SRC: variants seen among roughly 807,000 people sequenced by gnomAD.
The protein encoded by SRC is proto-oncogene tyrosine-protein kinase Src.
A neutral mutation model predicts 62.9 loss-of-function variants in SRC; 13 were observed. The ratio of observed to expected loss-of-function variants is 0.21; its 90% CI spans 0.13 to 0.33. The LOEUF is 0.33. SRC is among the 10% of genes least tolerant of loss of function. The probability of loss-of-function intolerance (pLI) is 1.00; values close to 1 mark genes in which losing one functional copy is unlikely to be tolerated. For synonymous variants in SRC, 302 were observed against 317.5 expected, an observed-to-expected ratio of 0.95 and a Z score of 0.52; for missense variants, 457 against 737.3, an observed-to-expected ratio of 0.62 and a Z score of 4.40.
At position 37,363,358 on chromosome 20, in the gene SRC, C is replaced by T. The variant is rs1212233260; in HGVS notation, c.-246-1846C>T. On this transcript the variant is annotated intron_variant, in intron 1 of 13. Coordinates refer to ENST00000373578, the MANE Select transcript of SRC (RefSeq NM_198291.3). Reference sequence around the variant, plus strand: ...ACCGGAACACACTCTGGCCAGACCTCGCTCTGAACAAGGCCCTGCCCACCT... The same window carrying T: ...ACCGGAACACACTCTGGCCAGACCTTGCTCTGAACAAGGCCCTGCCCACCT... Among the ~76,000 whole-genome samples the T allele has an allele frequency of 3.9e-5, 6 of 152,232 alleles. No individual in the cohort carries two copies. In the East Asian group the frequency reaches 5.8e-4, roughly 15 times the overall value.
chr20:37,393,246 G>A (rs1291232077), intron 5 of SRC, among the ~76,000 whole-genome samples: 1 of 152,252 alleles, frequency 6.6e-6, no homozygotes, highest in Non-Finnish European at 1.5e-5. Context: ...TGGGTAGGCT[G>A]GAGGAGGAGG....
At chr20:37,353,011 C>T (rs1046398937) in intron 1 of SRC, among the ~76,000 whole-genome samples, 2 of 152,188 alleles carry the variant, frequency 1.3e-5, no homozygotes, top group Admixed American at 6.5e-5. Flanking sequence ...CCTCATGGCT[C>T]TGACACATTC....
chr20:37,348,703 G>A (rs2069758022), intron 1 of SRC, among the ~76,000 whole-genome samples: 1 of 152,136 alleles, frequency 6.6e-6, no homozygotes, highest in African/African-American at 2.4e-5. Flanking sequence ...CAGGTCCTTG[G>A]CCTCCCAGAA....
intron 10 of SRC, among the ~76,000 whole-genome samples, chr20:37,401,310 C>A (rs2070733837): frequency 6.6e-6 from 1 of 152,164 alleles, no homozygotes; most frequent in African/African-American, 2.4e-5. Context: ...GCCTGAGATG[C>A]ATCCTTGTTG....
chr20:37,399,160 G>A (rs560065363), intron 9 of SRC, among the ~76,000 whole-genome samples: 5 of 152,300 alleles, frequency 3.3e-5, no homozygotes, highest in South Asian at 2.1e-4. Flanking sequence ...ACAGCTCCAC[G>A]GGTAGGCACT....
At chr20:37,364,405 C>T (rs1037549165) in intron 1 of SRC, among the ~76,000 whole-genome samples, 5 of 152,168 alleles carry the variant, frequency 3.3e-5, no homozygotes, top group African/African-American at 7.2e-5. Context: ...GTGATGGTGA[C>T]GCCGTAGCTG....
In SRC at chr20:37,404,882, G is replaced by C. The variant is rs2070802105; in HGVS notation, c.*1503G>C. On this transcript the variant is annotated 3_prime_UTR_variant, in exon 14 of 14. Transcript: ENST00000373578. Reference sequence around the variant, plus strand: ...CATCTTGCCAAGGGTCCCTGTGTGTGTGTATGTGTGTGCATGTGTGCGTGT... The same window carrying C: ...CATCTTGCCAAGGGTCCCTGTGTGTCTGTATGTGTGTGCATGTGTGCGTGT... 4.3e-6 allele frequency: 1 copy of C among 233,740 alleles called. No homozygotes were observed. Among genetic ancestry groups the C allele is most frequent in the African/African-American group, 2.2e-5 (1 of 45,346 alleles). 14.5% of individuals were successfully genotyped at this position (233,740 alleles called of 1,614,324 possible).
In SRC at chr20:37,386,210, G is replaced by A. The variant is rs368819491; in HGVS notation, c.350+36G>A. ...CCTTCCCTATTGCCCCTCAGGGCTG[G>A]GTGGTGGGACTTCAAAGCGGGCAGG... is the stretch of plus-strand genomic sequence containing the variant. On this transcript the variant is annotated intron_variant, in intron 5 of 13. Coordinates refer to ENST00000373578, the MANE Select transcript of SRC (RefSeq NM_198291.3). 1.0e-5 allele frequency: 16 copies of A among 1,590,580 alleles called. No individual in the cohort carries two copies. The African/African-American group carries it at 1.9e-4, about 19-fold the overall frequency.
intron 2 of SRC, among the ~76,000 whole-genome samples, chr20:37,374,636 G>A (rs554401187): frequency 7.3e-5 from 10 of 137,564 alleles, no homozygotes; most frequent in South Asian, 4.7e-4. Context: ...GTACAGTAGC[G>A]TAATCTTGGC....
At chr20:37,356,327 G>C (rs557458781) in intron 1 of SRC, among the ~76,000 whole-genome samples, 63 of 152,340 alleles carry the variant, frequency 4.1e-4, no homozygotes, top group Middle Eastern at 6.8e-3. Flanking sequence ...AGGGCCTGGG[G>C]GCCTGCTCCT....
Position 37,398,833 on chromosome 20 carries a change from C to T in SRC, c.859+979C>T, listed in dbSNP as rs555554155. Among the ~76,000 whole-genome samples, 20 of 152,350 alleles carry T rather than the reference C, an allele frequency of 1.3e-4. No individual in the cohort carries two copies. The East Asian group carries it at 3.9e-3, about 29-fold the overall frequency. On this transcript the variant is annotated intron_variant, in intron 9 of 13. Coordinates refer to ENST00000373578, the MANE Select transcript of SRC (RefSeq NM_198291.3). This position sits in a 1 kb window ranked among gnomAD's most constrained non-coding sequence, Gnocchi z 5.2. ...CTGTCCCTGGGAAGGGCCTCACTTC[C>T]TCCCTGGGTGCTCCAGGTCGACTCA...
Position 37,398,217 on chromosome 20 carries a change from C to A in SRC, c.859+363C>A, listed in dbSNP as rs1380049339. Among the ~76,000 whole-genome samples, 1 of 152,164 alleles carries A rather than the reference C, an allele frequency of 6.6e-6. No individual in the cohort carries two copies. Among genetic ancestry groups the A allele is most frequent in the African/African-American group, 2.4e-5 (1 of 41,424 alleles). ...GTGGAGACCCTGACCCAGTGCGTGT[C>A]CACACACTAGCTGTTCGCCATGGAG... On this transcript the variant is annotated intron_variant, in intron 9 of 13. Coordinates refer to ENST00000373578, the MANE Select transcript of SRC (RefSeq NM_198291.3). This position sits in a 1 kb window ranked among gnomAD's most constrained non-coding sequence, Gnocchi z 5.2.
upstream of SRC, among the ~76,000 whole-genome samples, chr20:37,345,186 C>A (rs2069700233): frequency 6.6e-6 from 1 of 152,164 alleles, no homozygotes; most frequent in South Asian, 2.1e-4. Context: ...ATATTTAAAG[C>A]TGGACCCAGG....
intron 2 of SRC, among the ~76,000 whole-genome samples, chr20:37,377,243 C>T (rs2070292101): frequency 6.6e-6 from 1 of 152,322 alleles, no homozygotes; most frequent in South Asian, 2.1e-4. Flanking sequence ...TATTCTTTTC[C>T]TGCCACAAGG....
In SRC at chr20:37,386,168, A is replaced by G; in HGVS notation, c.344A>G (p.Asn115Ser). The G allele has an allele frequency of 1.9e-6, 3 of 1,614,176 alleles. No individual in the cohort carries two copies. The highest frequency in any genetic ancestry group is 1.7e-6 in the Non-Finnish European group (2 of 1,179,992). ...FKKGERLQIV[N>S]NTEGDWWLAH... ...AAAGGCGAGCGGCTCCAGATTGTCA[A>G]CAACACGTGAGTGCCCCCTTCCCTA... The change falls in exon 5 of 14, where the codon AAC (asparagine) becomes AGC (serine). Residue 115 changes from asparagine to serine, a missense_variant. Physicochemically the swap from Asn to Ser is conservative, Grantham distance 46. Around this residue, in one of 4 missense-constraint regions of SRC, gnomAD observed 16 missense variants for 45.7 expected, o/e 0.35. Coordinates refer to ENST00000373578, the MANE Select transcript of SRC (RefSeq NM_198291.3).
In SRC at chr20:37,398,039, G is replaced by A. The variant is rs1372863102; in HGVS notation, c.859+185G>A. Among the ~76,000 whole-genome samples the A allele has an allele frequency of 2.6e-5, 4 of 152,196 alleles. No homozygotes were observed. Among genetic ancestry groups the A allele is most frequent in the Non-Finnish European group, 5.9e-5 (4 of 68,034 alleles). ...TGTGGCCACCCAAGCACTGTGCCCC[G>A]GACCGTGCAAACCATAGTGCCTGAT... On this transcript the variant is annotated intron_variant, in intron 9 of 13. Coordinates refer to ENST00000373578, the MANE Select transcript of SRC (RefSeq NM_198291.3). The surrounding 1 kb of genome is among the most constrained non-coding windows in gnomAD (Gnocchi z 5.2).
rs1309725715 is a variant in SRC, at chr20:37,384,719, T to G, written c.250+316T>G. Among the ~76,000 whole-genome samples, 3 of 152,080 alleles carry G rather than the reference T, an allele frequency of 2.0e-5. No individual in the cohort carries two copies. Among genetic ancestry groups the G allele is most frequent in the Non-Finnish European group, 4.4e-5 (3 of 67,978 alleles). On this transcript the variant is annotated intron_variant, in intron 4 of 13. Transcript: ENST00000373578. The surrounding 1 kb of genome is among the most constrained non-coding windows in gnomAD (Gnocchi z 6.7). Reference sequence around the variant, plus strand: ...GGCCTGTTGCTGCCTTGGCGCCCAGTCCTTTTTCGTTGCCTGGGTCCGCCC... The same window carrying G: ...GGCCTGTTGCTGCCTTGGCGCCCAGGCCTTTTTCGTTGCCTGGGTCCGCCC...
intron 5 of SRC, among the ~76,000 whole-genome samples, chr20:37,388,434 A>G (rs1213120358): frequency 2.0e-5 from 3 of 152,144 alleles, no homozygotes; most frequent in African/African-American, 4.8e-5. Flanking sequence ...CAATGCTCCA[A>G]TGCTCCTTCG....
intron 1 of SRC, among the ~76,000 whole-genome samples, chr20:37,363,785 C>A (rs1220530543): frequency 6.6e-6 from 1 of 152,186 alleles, no homozygotes; most frequent in East Asian, 1.9e-4. Flanking sequence ...GGGTGGCCGT[C>A]CCGGTTAGGG....
Sources: gnomAD v4.1 joint callset for allele counts (sites outside exome capture counted in the v4.1 genomes callset) on GRCh38, gnomAD v4.1.1 for gene constraint, gnomAD v4.1.1 regional missense constraint, Gnocchi (gnomAD v3.1) non-coding constraint, MANE v1.5 for transcripts, NCBI Gene and HGNC (gene_info 2026-07-23, HGNC 2026-07-21) for gene names.